The following RAD51AP1 variants were observed in gnomAD, a reference collection of about 807,000 sequenced individuals.
RAD51AP1 encodes the protein RAD51 associated protein 1, also known as RAD51-associated protein 1.
A neutral mutation model predicts 34.3 loss-of-function variants in RAD51AP1; 14 were observed. The ratio of observed to expected loss-of-function variants is 0.41; its 90% CI spans 0.27 to 0.64. RAD51AP1 has a LOEUF of 0.64. Ranked by LOEUF, RAD51AP1 falls within the 30% of genes least tolerant of loss-of-function variation. The pLI is 0.33. For synonymous variants in RAD51AP1, 114 were observed against 129.8 expected, an observed-to-expected ratio of 0.88 and a Z score of 0.83; for missense variants, 348 against 386.9, an observed-to-expected ratio of 0.90 and a Z score of 0.84.
At chr12:4,548,551 T>G in intron 5 of RAD51AP1, 136 bp from the exon 6 acceptor site, 1 of 1,031,620 alleles carries the variant, frequency 9.7e-7, no homozygotes, top group Non-Finnish European at 1.4e-6. Context: ...ATTGGGCTAA[T>G]AGTCTATTAC....
Position 4,553,030 on chromosome 12 carries a change from G to T in RAD51AP1, c.604G>T (p.Asp202Tyr). 2 of 1,605,912 alleles carry T rather than the reference G, an allele frequency of 1.2e-6. No individual in the cohort carries two copies. Among genetic ancestry groups the T allele is most frequent in the Admixed American group, 3.4e-5 (2 of 58,306 alleles). The change falls in exon 7 of 9, where the codon GAC becomes TAC. Residue 202 changes from aspartate (D) to tyrosine (Y), a missense_variant. Physicochemically the swap from Asp to Tyr is radical, Grantham distance 160. Transcript: ENST00000352618. ...DSDFCESEDN[D>Y]EDFSMRKSKV... ...TGATTTTTGTGAGAGTGAGGATAATGACGAAGACTTCTCTATGAGAAAAAG... is the reference window on the plus strand; with the variant it reads ...TGATTTTTGTGAGAGTGAGGATAATTACGAAGACTTCTCTATGAGAAAAAG...
In RAD51AP1 at chr12:4,543,783, G is replaced by A. The variant is rs1944485912; in HGVS notation, c.88G>A (p.Val30Ile). 2 of 1,599,544 alleles carry A rather than the reference G, an allele frequency of 1.3e-6. No homozygotes were observed. Among genetic ancestry groups the A allele is most frequent in the Non-Finnish European group, 1.7e-6 (2 of 1,173,572 alleles). Residue 30 changes from valine to isoleucine, a missense_variant, in exon 3 of 9, where the codon GTA (valine) becomes ATA (isoleucine). Physicochemically the swap from Val to Ile is conservative, Grantham distance 29 (BLOSUM62 3). Coordinates refer to ENST00000352618, the MANE Select transcript of RAD51AP1 (RefSeq NM_006479.5). The part of the protein sequence containing the change: ...DSDDDFVSAT[V>I]PLNKKSRTAP... ...AATAGATGATTTTGTTTCTGCAACT[G>A]TACCTTTAAACAAGAAATCCAGAAC...
In RAD51AP1 at chr12:4,559,897, T is replaced by C. The variant is rs1202883798; in HGVS notation, c.*904T>C. On this transcript the variant is annotated 3_prime_UTR_variant, in exon 9 of 9. Coordinates refer to ENST00000352618, the MANE Select transcript of RAD51AP1 (RefSeq NM_006479.5). ...TTATATTTACATTGAGAATTTCAAC[T>C]AGCTTCTGATCAATTTTTAATAAAA... 1 of 152,210 alleles carries C rather than the reference T, an allele frequency of 6.6e-6. No individual in the cohort carries two copies. The highest frequency in any genetic ancestry group is 2.4e-5 in the African/African-American group (1 of 41,452). The allele number at this position is 152,210 out of a possible 1,614,324, so 9.4% of individuals were successfully genotyped here. A position where few individuals can be genotyped will look rare whatever the true frequency, so the allele number is the denominator to read the frequency against.
chr12:4,550,337 G>A (rs1944537244), intron 6 of RAD51AP1, among the ~76,000 whole-genome samples: 1 of 152,198 alleles, frequency 6.6e-6, no homozygotes, highest in African/African-American at 2.4e-5. Context: ...CTGAACACAT[G>A]CAGTATCAGA....
At chr12:4,539,011 T>C (rs1944429328) in intron 1 of RAD51AP1, 55 bp downstream of exon 1, 2 of 1,585,390 alleles carry the variant, frequency 1.3e-6, no homozygotes, top group Admixed American at 3.3e-5. Flanking sequence ...GGAAAAGACA[T>C]GAGACTAAGG....
chr12:4,556,495 CCCA>C lies in RAD51AP1; in HGVS notation c.868_870del (p.Pro290del), dbSNP rs761089612. 5.0e-6 allele frequency: 8 copies of C among 1,613,440 alleles called. No homozygotes were observed. In the South Asian group the frequency reaches 8.8e-5, roughly 18 times the overall value. On this transcript the variant is annotated inframe_deletion, in exon 8 of 9. Coordinates refer to ENST00000352618, the MANE Select transcript of RAD51AP1 (RefSeq NM_006479.5). ...CTGAAAGCAAGAAACCTAAATGGGTCCCACCAGGTATGGCATATTTATCATCAA... is the reference window on the plus strand; with the variant it reads ...CTGAAAGCAAGAAACCTAAATGGGTCCCAGGTATGGCATATTTATCATCAA...
At chr12:4,549,005 A>G (rs1304105310) in intron 6 of RAD51AP1, among the ~76,000 whole-genome samples, 169 bp downstream of exon 6, 1 of 152,266 alleles carries the variant, frequency 6.6e-6, no homozygotes, top group East Asian at 1.9e-4. Context: ...AGTTTTTTCT[A>G]CGAGTTAACC....
intron 2 of RAD51AP1, among the ~76,000 whole-genome samples, chr12:4,543,073 T>G (rs1036810015): frequency 6.6e-6 from 1 of 152,196 alleles, no homozygotes; most frequent in African/African-American, 2.4e-5. Context: ...TTTTTCTCTT[T>G]TTTTTGAGAC....
intron 7 of RAD51AP1, among the ~76,000 whole-genome samples, chr12:4,553,697 C>T (rs1490715664): frequency 2.7e-5 from 4 of 149,634 alleles, no homozygotes; most frequent in East Asian, 2.0e-4. Flanking sequence ...TATGATAAAA[C>T]GTTTAAAATT....
chr12:4,539,826 A>T (rs1944444929), intron 1 of RAD51AP1, among the ~76,000 whole-genome samples: 1 of 152,188 alleles, frequency 6.6e-6, no homozygotes, highest in Admixed American at 6.5e-5. Context: ...AGGGTCTTGT[A>T]AGTCTTAGAA....
chr12:4,556,581 G>A (rs1340182940), intron 8 of RAD51AP1, 79 bp downstream of exon 8: 3 of 1,490,050 alleles, frequency 2.0e-6, no homozygotes, highest in Admixed American at 2.0e-5. Flanking sequence ...CAAACATCAT[G>A]TGTGAGCATT....
At chr12:4,550,383 T>C (rs1336995694) in intron 6 of RAD51AP1, 1 of 152,202 alleles carries the variant, frequency 6.6e-6, no homozygotes, top group Admixed American at 6.5e-5. Flanking sequence ...TTGTAGATAA[T>C]ATATTTGGAA....
In RAD51AP1 at chr12:4,559,042, GGTGTTTATATTTGATTT is replaced by G. The variant is rs1944602956; in HGVS notation, c.*64_*80del. The G allele has an allele frequency of 2.5e-6, 4 of 1,587,340 alleles. No individual in the cohort carries two copies. Among genetic ancestry groups the G allele is most frequent in the South Asian group, 1.1e-5 (1 of 89,478 alleles). On this transcript the variant is annotated 3_prime_UTR_variant, in exon 9 of 9. Transcript: ENST00000352618. ...GTTGGGAGAATCACAGCTTTACAAG[GGTGTTTATATTTGATTT>G]GTGTTTATATTTGAGGCAGGTATTG...
intron 7 of RAD51AP1, among the ~76,000 whole-genome samples, chr12:4,555,217 T>G (rs573824858): frequency 2.6e-5 from 4 of 152,266 alleles, no homozygotes; most frequent in African/African-American, 9.6e-5. Flanking sequence ...CAAAACATAC[T>G]TCCAGGCTTG....
chr12:4,547,067 CTTAT>C (rs71445629), intron 4 of RAD51AP1, among the ~76,000 whole-genome samples: 18,817 of 151,812 alleles, frequency 0.12, 1,361 homozygotes, highest in African/African-American at 0.19. Context: ...GTACTGCCTC[CTTAT>C]TTATTTATTT....
intron 1 of RAD51AP1, among the ~76,000 whole-genome samples, chr12:4,540,909 G>T (rs1258289282): frequency 1.3e-5 from 2 of 152,130 alleles, no homozygotes; most frequent in Non-Finnish European, 2.9e-5. Flanking sequence ...CTTTTTCATA[G>T]AACATTCTTT....
In RAD51AP1 at chr12:4,558,721, A is replaced by T. The variant is rs71459908; in HGVS notation, c.872-136A>T. The T allele has an allele frequency of 0.093, 93,583 of 1,005,324 alleles. 5,119 individuals carry two copies. Among genetic ancestry groups the T allele is most frequent in the Non-Finnish European group, 0.11 (76,369 of 701,314 alleles). The allele number at this position is 1,005,324 out of a possible 1,614,324, so 62.3% of individuals were successfully genotyped here. On this transcript the variant is annotated intron_variant, in intron 8 of 8. Coordinates refer to ENST00000352618, the MANE Select transcript of RAD51AP1 (RefSeq NM_006479.5). The stretch of plus-strand genomic sequence containing the variant: ...CTCTTTAGAACATTCTGTTCTTTTG[A>T]TCTAGTTTATTGCTTGATAGACACT...
intron 8 of RAD51AP1, among the ~76,000 whole-genome samples, chr12:4,558,249 A>G (rs374787150): frequency 1.3e-5 from 2 of 152,212 alleles, no homozygotes; most frequent in African/African-American, 4.8e-5. Context: ...CTAGAAAACA[A>G]TAAAGCAGTA....
At chr12:4,551,846 G>A (rs1400341774) in intron 6 of RAD51AP1, among the ~76,000 whole-genome samples, 5 of 152,158 alleles carry the variant, frequency 3.3e-5, no homozygotes, top group East Asian at 1.9e-4. Context: ...GAAGAAGAGC[G>A]AGATAGATGA....
Sources: allele counts gnomAD v4.1 joint callset (sites outside exome capture counted in the v4.1 genomes callset), GRCh38; gene constraint gnomAD v4.1.1; transcripts MANE v1.5; gene names NCBI Gene and HGNC (gene_info 2026-07-23, HGNC 2026-07-21).